Variants in CNTNAP2 observed in about 807,000 individuals in gnomAD.
The protein encoded by CNTNAP2 is contactin-associated protein-like 2.
In CNTNAP2, 98 loss-of-function variants were observed where a neutral mutation model predicts 155.2. The ratio of observed to expected loss-of-function variants is 0.63; its 90% CI spans 0.54 to 0.75. CNTNAP2 has a LOEUF of 0.75. Among genes scored for constraint, CNTNAP2 ranks in the 30% least tolerant of loss-of-function variants. The probability of loss-of-function intolerance (pLI) is 0.00; values close to 1 mark genes in which losing one functional copy is unlikely to be tolerated. For missense variants in CNTNAP2, 1,727 were observed against 1,688.1 expected (o/e 1.02, Z -0.40); for synonymous variants, 651 against 631.2 (o/e 1.03, Z -0.47).
intron 20 of CNTNAP2, among the ~76,000 whole-genome samples, chr7:148,257,425 CT>C (rs1796474306): frequency 6.6e-6 from 1 of 152,210 alleles, no homozygotes; most frequent in African/African-American, 2.4e-5. Flanking sequence ...CCTCTTTCTT[CT>C]TCTTGAGTAT....
At chr7:147,219,444 T>TG (rs1024238023) in intron 8 of CNTNAP2, among the ~76,000 whole-genome samples, 2 of 152,124 alleles carry the variant, frequency 1.3e-5, no homozygotes, top group Non-Finnish European at 2.9e-5. Flanking sequence ...CTGAAGAACT[T>TG]GGAGTCTGAT....
At chr7:146,976,371 A>T (rs959593558) in intron 3 of CNTNAP2, among the ~76,000 whole-genome samples, 1 of 152,122 alleles carries the variant, frequency 6.6e-6, no homozygotes, top group African/African-American at 2.4e-5. Context: ...TCCATCCCAC[A>T]GGCCTGCCCT....
At chr7:147,014,014 T>G (rs560830657) in intron 3 of CNTNAP2, among the ~76,000 whole-genome samples, 13 of 152,294 alleles carry the variant, frequency 8.5e-5, no homozygotes, top group Middle Eastern at 3.4e-3. Flanking sequence ...CACAGTGAGT[T>G]ATGAAATGGA....
chr7:146,885,959 GT>G (rs2129210421), intron 3 of CNTNAP2, among the ~76,000 whole-genome samples: 1 of 151,066 alleles, frequency 6.6e-6, no homozygotes, highest in Admixed American at 6.6e-5. Context: ...GTGTGTGTGT[GT>G]GTGTGTGTGT....
chr7:146,568,166 GGGCTTTCCAAAAGATACAGTAGA>G (rs2129145453), intron 1 of CNTNAP2, among the ~76,000 whole-genome samples: 1 of 152,102 alleles, frequency 6.6e-6, no homozygotes, highest in Non-Finnish European at 1.5e-5. Context: ...TTTTGACTTC[GGGCTTTCCAAAAGATACAGTAGA>G]GATAACAGAA....
chr7:148,083,799 A>C (rs894440160), intron 15 of CNTNAP2, among the ~76,000 whole-genome samples: 1 of 152,200 alleles, frequency 6.6e-6, no homozygotes, highest in Non-Finnish European at 1.5e-5. Context: ...ACAATTACTT[A>C]ATGAATACCT....
chr7:147,469,277 T>A (rs531945343), intron 10 of CNTNAP2, among the ~76,000 whole-genome samples: 3 of 152,138 alleles, frequency 2.0e-5, no homozygotes, highest in Non-Finnish European at 2.9e-5. Context: ...CAGGAAAAAC[T>A]CTACAAAAGT....
intron 8 of CNTNAP2, among the ~76,000 whole-genome samples, chr7:147,232,654 C>G (rs905100691): frequency 3.3e-5 from 5 of 152,110 alleles, no homozygotes; most frequent in African/African-American, 1.2e-4. Context: ...AAATTAGACT[C>G]CTGTATTATC....
At chr7:147,291,151 C>T (rs1805300309) in intron 8 of CNTNAP2, among the ~76,000 whole-genome samples, 1 of 151,312 alleles carries the variant, frequency 6.6e-6, no homozygotes, top group Non-Finnish European at 1.5e-5. Context: ...TTTTTTTATT[C>T]TTTTTTTAAA....
chr7:146,183,059 T>G (rs2116839132), intron 1 of CNTNAP2, among the ~76,000 whole-genome samples: 1 of 152,304 alleles, frequency 6.6e-6, no homozygotes, highest in South Asian at 2.1e-4. Flanking sequence ...CCTATAAATG[T>G]TCTCTTCTTG....
At chr7:146,890,883 T>G (rs7787385) in intron 3 of CNTNAP2, among the ~76,000 whole-genome samples, 66,215 of 151,902 alleles carry the variant, frequency 0.44, 17,214 homozygotes, top group African/African-American at 0.72. Context: ...CAATCCCATT[T>G]CTGGGTATAT....
chr7:147,198,963 T>TTC (rs2116543332), intron 8 of CNTNAP2, among the ~76,000 whole-genome samples: 1 of 146,214 alleles, frequency 6.8e-6, no homozygotes, highest in South Asian at 2.2e-4. Flanking sequence ...GACTTTTTTT[T>TTC]TTTTTTTTTT....
chr7:146,449,871 C>A (rs1416069537), intron 1 of CNTNAP2, among the ~76,000 whole-genome samples: 2 of 152,246 alleles, frequency 1.3e-5, no homozygotes, highest in East Asian at 3.9e-4. Context: ...AGCACAGAAC[C>A]ATGTTCCTTG....
At chr7:147,364,860 A>G (rs1271197501) in intron 9 of CNTNAP2, among the ~76,000 whole-genome samples, 3 of 152,066 alleles carry the variant, frequency 2.0e-5, no homozygotes, top group Admixed American at 6.6e-5. Flanking sequence ...GGAAAAAAAA[A>G]AAAAATTCCT....
chr7:147,832,778 TTTAA>T (rs1345189189), intron 13 of CNTNAP2, among the ~76,000 whole-genome samples: 13 of 147,236 alleles, frequency 8.8e-5, no homozygotes, highest in Admixed American at 8.2e-4. Flanking sequence ...AAATTGTACA[TTTAA>T]TTATATATTA....
At chr7:147,288,283 C>T (rs1374532708) in intron 8 of CNTNAP2, among the ~76,000 whole-genome samples, 1 of 152,192 alleles carries the variant, frequency 6.6e-6, no homozygotes, top group African/African-American at 2.4e-5. Flanking sequence ...TGTCTTTGCA[C>T]ACAAGAATAT....
At chr7:146,593,270 C>A (rs1798810256) in intron 1 of CNTNAP2, among the ~76,000 whole-genome samples, 1 of 151,918 alleles carries the variant, frequency 6.6e-6, no homozygotes, top group South Asian at 2.1e-4. Flanking sequence ...CTAAGCTAGA[C>A]CAGTCCGTTA....
intron 8 of CNTNAP2, among the ~76,000 whole-genome samples, chr7:147,142,000 A>G (rs1801607564): frequency 6.6e-6 from 1 of 152,172 alleles, no homozygotes; most frequent in South Asian, 2.1e-4. Flanking sequence ...TTCTAGATAC[A>G]CAATCATGTC....
At chr7:147,774,307 T>C (rs1797524551) in intron 13 of CNTNAP2, among the ~76,000 whole-genome samples, 1 of 152,174 alleles carries the variant, frequency 6.6e-6, no homozygotes, top group Non-Finnish European at 1.5e-5. Context: ...AGGGAATTGA[T>C]TATGAAGTCA....
Sources: gnomAD v4.1 joint callset for allele counts (sites outside exome capture counted in the v4.1 genomes callset) on GRCh38, gnomAD v4.1.1 for gene constraint, MANE v1.5 for transcripts, NCBI Gene and HGNC (gene_info 2026-07-23, HGNC 2026-07-21) for gene names.